Variants in HMGB1 observed in about 807,000 individuals in gnomAD.
The protein encoded by HMGB1 is high mobility group box 1, also known as high mobility group protein B1.
For synonymous variants in HMGB1, 81 were observed against 84.0 expected (o/e 0.96, Z 0.19); for missense variants, 79 against 253.5 (o/e 0.31, Z 4.67).
intron 1 of HMGB1, among the ~76,000 whole-genome samples, chr13:30,524,354 AAAAG>A (rs1376272210): frequency 0.095 from 934 of 9,852 alleles, 9 homozygotes; most frequent in African/African-American, 0.13. Context: ...AAAAAAAAAA[AAAAG>A]AAAAAAAAGA....
chr13:30,512,582 C>A (rs1319220335), intron 1 of HMGB1, among the ~76,000 whole-genome samples: 2 of 152,312 alleles, frequency 1.3e-5, no homozygotes, highest in South Asian at 2.1e-4. Context: ...TTGCAGATCC[C>A]CCTGCAGACC....
chr13:30,503,816 G>A (rs2137455298), intron 1 of HMGB1, among the ~76,000 whole-genome samples: 1 of 152,122 alleles, frequency 6.6e-6, no homozygotes, highest in East Asian at 1.9e-4. Context: ...TACTGGAGAG[G>A]GAGGCCATGG....
chr13:30,556,537 G>A (rs1479405235), intron 1 of HMGB1, among the ~76,000 whole-genome samples: 2 of 152,012 alleles, frequency 1.3e-5, no homozygotes, highest in Non-Finnish European at 2.9e-5. Flanking sequence ...AATGAATGAA[G>A]AAAATGTGAT....
At chr13:30,592,753 A>T (rs1871421172) in intron 1 of HMGB1, among the ~76,000 whole-genome samples, 1 of 152,174 alleles carries the variant, frequency 6.6e-6, no homozygotes. Context: ...GAAGATGGAA[A>T]GTTGCTTTGT....
intron 1 of HMGB1, among the ~76,000 whole-genome samples, chr13:30,606,435 G>C (rs1296674247): frequency 2.0e-5 from 3 of 148,730 alleles, no homozygotes; most frequent in Non-Finnish European, 4.4e-5. Flanking sequence ...ATTCATAGGA[G>C]AGCATGTCTT....
At chr13:30,511,709 T>C (rs920615990) in intron 1 of HMGB1, among the ~76,000 whole-genome samples, 1 of 152,192 alleles carries the variant, frequency 6.6e-6, no homozygotes, top group African/African-American at 2.4e-5. Context: ...GTCCCATCTA[T>C]CTCCCTTGCC....
At chr13:30,573,117 C>A (rs1351502507) in intron 1 of HMGB1, among the ~76,000 whole-genome samples, 2 of 152,136 alleles carry the variant, frequency 1.3e-5, no homozygotes, top group African/African-American at 4.8e-5. Context: ...ACTGCAAATT[C>A]TTCTGGGGGG....
chr13:30,555,234 G>A (rs948178675), intron 1 of HMGB1, among the ~76,000 whole-genome samples: 6 of 151,784 alleles, frequency 4.0e-5, no homozygotes, highest in African/African-American at 1.5e-4. Context: ...GTAGAGATGG[G>A]GTTTCACCGT....
upstream of HMGB1, among the ~76,000 whole-genome samples, chr13:30,469,139 C>G (rs1009052249): frequency 6.6e-6 from 1 of 152,120 alleles, no homozygotes; most frequent in Non-Finnish European, 1.5e-5. Context: ...GATCTGCCCG[C>G]CTCAGCCTCC....
At chr13:30,537,719 A>G (rs1367180390) in intron 1 of HMGB1, among the ~76,000 whole-genome samples, 1 of 133,130 alleles carries the variant, frequency 7.5e-6, no homozygotes, top group South Asian at 2.6e-4. Context: ...TCCAATGTTA[A>G]TGAGGATGGA....
chr13:30,508,055 C>T (rs1227339568), intron 1 of HMGB1, among the ~76,000 whole-genome samples: 1 of 152,070 alleles, frequency 6.6e-6, no homozygotes, highest in African/African-American at 2.4e-5. Context: ...CTGGCCATGG[C>T]CTTGAACTGT....
At chr13:30,508,179 T>C (rs1401716728) in intron 1 of HMGB1, among the ~76,000 whole-genome samples, 1 of 152,122 alleles carries the variant, frequency 6.6e-6, no homozygotes, top group African/African-American at 2.4e-5. Flanking sequence ...AAAAATAGAT[T>C]AATCTAAGAA....
At chr13:30,523,026 A>C (rs1888275678) in intron 1 of HMGB1, among the ~76,000 whole-genome samples, 2 of 152,160 alleles carry the variant, frequency 1.3e-5, no homozygotes, top group Non-Finnish European at 2.9e-5. Flanking sequence ...ACTTGCAACA[A>C]ATTCTATAGC....
intron 1 of HMGB1, among the ~76,000 whole-genome samples, chr13:30,489,398 C>A (rs2137439158): frequency 6.6e-6 from 1 of 152,198 alleles, no homozygotes; most frequent in African/African-American, 2.4e-5. Context: ...TAACTATTTT[C>A]TTAACAAGAA....
intron 1 of HMGB1, among the ~76,000 whole-genome samples, chr13:30,575,542 A>T (rs1273775880): frequency 1.3e-5 from 2 of 152,210 alleles, no homozygotes; most frequent in African/African-American, 4.8e-5. Flanking sequence ...TCTGTTACTG[A>T]CAGAAATTTT....
chr13:30,550,620 G>C (rs960143574), intron 1 of HMGB1, among the ~76,000 whole-genome samples: 1 of 152,070 alleles, frequency 6.6e-6, no homozygotes, highest in East Asian at 1.9e-4. Context: ...AGGGACCCTC[G>C]GATGACACAC....
intron 1 of HMGB1, among the ~76,000 whole-genome samples, chr13:30,614,009 A>G (rs181651743): frequency 6.6e-6 from 1 of 152,318 alleles, no homozygotes; most frequent in African/African-American, 2.4e-5. Context: ...TAATAACAGA[A>G]CAACTTTTAA....
chr13:30,509,326 C>T (rs1276821034), intron 1 of HMGB1, among the ~76,000 whole-genome samples: 1 of 151,872 alleles, frequency 6.6e-6, no homozygotes, highest in Non-Finnish European at 1.5e-5. Flanking sequence ...GCAACCTCTG[C>T]CTCCTGGGTT....
At chr13:30,502,017 A>G (rs147573461) in intron 1 of HMGB1, among the ~76,000 whole-genome samples, 2 of 152,348 alleles carry the variant, frequency 1.3e-5, no homozygotes, top group African/African-American at 2.4e-5. Context: ...ACAGCCAAAA[A>G]TCAAATTCAG....
Sources: allele counts gnomAD v4.1 joint callset (sites outside exome capture counted in the v4.1 genomes callset), GRCh38; gene constraint gnomAD v4.1.1; transcripts MANE v1.5; gene names NCBI Gene and HGNC (gene_info 2026-07-23, HGNC 2026-07-21).